LRRFIP2: variants seen among roughly 807,000 people sequenced by gnomAD.
The protein encoded by LRRFIP2 is leucine-rich repeat flightless-interacting protein 2.
A neutral mutation model predicts 125.9 loss-of-function variants in LRRFIP2; 109 were observed. The observed-to-expected ratio is 0.87, with a 90% confidence interval of 0.74 to 1.01. The LOEUF is 1.01. LRRFIP2 is among the 50% of genes least tolerant of loss of function. LRRFIP2 has a pLI of 0.00. For synonymous variants in LRRFIP2, 291 were observed against 293.1 expected (o/e 0.99, Z 0.07); for missense variants, 850 against 862.3 (o/e 0.99, Z 0.18).
intron 2 of LRRFIP2, among the ~76,000 whole-genome samples, chr3:37,131,901 T>G (rs1054060958): frequency 1.6e-4 from 25 of 152,230 alleles, no homozygotes. Context: ...TAACTGCTAC[T>G]CAACTATTCC....
At chr3:37,154,891 A>G (rs1015018525) in intron 1 of LRRFIP2, among the ~76,000 whole-genome samples, 1 of 152,244 alleles carries the variant, frequency 6.6e-6, no homozygotes, top group Non-Finnish European at 1.5e-5. Context: ...GTTCTTTTAT[A>G]TCTAAGTATT....
At chr3:37,135,092 A>G (rs2095524114) in intron 2 of LRRFIP2, 3 of 1,343,218 alleles carry the variant, frequency 2.2e-6, no homozygotes, top group African/African-American at 2.9e-5. Flanking sequence ...TGGACTCAGA[A>G]GAATGCCATA....
intron 15 of LRRFIP2, among the ~76,000 whole-genome samples, chr3:37,099,169 G>C (rs184400986): frequency 2.2e-4 from 34 of 152,272 alleles, no homozygotes; most frequent in African/African-American, 7.2e-4. Flanking sequence ...CCATGCCATA[G>C]TTCTCTTATT....
rs984931410 is a variant in LRRFIP2, at chr3:37,053,591, A to T, written c.*260T>A. The stretch of plus-strand genomic sequence containing the variant: ...AGCTGGGGAAAAACGTTGAGTAAAC[A>T]TGATTCTACAATTACGGAGATAAAA... On this transcript the variant is annotated 3_prime_UTR_variant, in exon 28 of 28. Transcript: ENST00000336686. 2.5e-6 allele frequency: 1 copy of T among 399,788 alleles called. No homozygotes were observed. The highest frequency in any genetic ancestry group is 4.6e-6 in the Non-Finnish European group (1 of 218,604). The allele number at this position is 399,788 out of a possible 1,614,324, so 24.8% of individuals were successfully genotyped here. A position where few individuals can be genotyped will look rare whatever the true frequency, so the allele number is the denominator to read the frequency against.
chr3:37,130,646 CT>C (rs1161810754), intron 2 of LRRFIP2, among the ~76,000 whole-genome samples: 1 of 152,182 alleles, frequency 6.6e-6, no homozygotes, highest in Non-Finnish European at 1.5e-5. Flanking sequence ...GATAAAATCT[CT>C]CAGGACGTCA....
At chr3:37,089,541 A>G (rs1237826005) in intron 18 of LRRFIP2, among the ~76,000 whole-genome samples, 1 of 152,016 alleles carries the variant, frequency 6.6e-6, no homozygotes, top group Non-Finnish European at 1.5e-5. Flanking sequence ...GTTTTTTTCC[A>G]CTTCAAGTGT....
chr3:37,105,941 T>C (rs1667600391), intron 13 of LRRFIP2, among the ~76,000 whole-genome samples: 2 of 152,040 alleles, frequency 1.3e-5, no homozygotes, highest in South Asian at 4.2e-4. Context: ...GGCGGGTGCC[T>C]GTAATACCAG....
intron 19 of LRRFIP2, among the ~76,000 whole-genome samples, chr3:37,080,944 T>C (rs1304080864): frequency 6.6e-6 from 1 of 152,216 alleles, no homozygotes; most frequent in Non-Finnish European, 1.5e-5. Context: ...ATATGAATTA[T>C]TGTTAATTTT....
At chr3:37,105,675 A>T (rs1171067411) in intron 13 of LRRFIP2, 152 bp from the exon 14 acceptor site, 2 of 544,598 alleles carry the variant, frequency 3.7e-6, no homozygotes, top group Non-Finnish European at 6.5e-6. Context: ...ATATATTAAT[A>T]AAAAAGCTGG....
At chr3:37,125,815 T>C (rs1233029686) in intron 4 of LRRFIP2, among the ~76,000 whole-genome samples, 1 of 152,204 alleles carries the variant, frequency 6.6e-6, no homozygotes, top group Non-Finnish European at 1.5e-5. Context: ...GCATCATTTA[T>C]TTTACTATAA....
chr3:37,105,652 T>C (rs1368106567), intron 13 of LRRFIP2, 129 bp from the exon 14 acceptor site: 4 of 624,638 alleles, frequency 6.4e-6, no homozygotes, highest in East Asian at 2.8e-5. Context: ...TGGTATAATA[T>C]AGTGGGCACC....
rs1559863864 is a variant in LRRFIP2, at chr3:37,105,455, C to T, written c.783G>A (p.Val261=). The change falls in exon 14 of 28, where the codon GTG becomes GTA. Residue 261 remains valine (V), a splice_region_variant and synonymous_variant. Coordinates refer to ENST00000336686, the MANE Select transcript of LRRFIP2 (RefSeq NM_006309.4). ...TTCTTTGCATGCAAATCATGCTCACCACACTCTCCCTTCGTCCACGACTGG... is the reference window on the plus strand; with the variant it reads ...TTCTTTGCATGCAAATCATGCTCACTACACTCTCCCTTCGTCCACGACTGG... ...DRASRGRRES[V]VSAADYFSRS... 1 of 1,613,414 alleles carries T rather than the reference C, an allele frequency of 6.2e-7. No individual in the cohort carries two copies. Among genetic ancestry groups the T allele is most frequent in the Admixed American group, 1.7e-5 (1 of 60,012 alleles).
intron 1 of LRRFIP2, chr3:37,174,303 A>G (rs1158448965): frequency 1.3e-5 from 2 of 152,226 alleles, no homozygotes; most frequent in Non-Finnish European, 2.9e-5. Context: ...ATTTTACTTA[A>G]CATTTTTAAA....
chr3:37,057,447 C>G (rs1259020242), intron 25 of LRRFIP2, among the ~76,000 whole-genome samples: 1 of 152,138 alleles, frequency 6.6e-6, no homozygotes, highest in Non-Finnish European at 1.5e-5. Context: ...GGAAATGTCA[C>G]AAGTGTCCTA....
intron 1 of LRRFIP2, among the ~76,000 whole-genome samples, chr3:37,163,148 A>G (rs1362703472): frequency 6.6e-6 from 1 of 152,224 alleles, no homozygotes. Context: ...TATCCAAAAA[A>G]GATCAAGGAA....
At chr3:37,082,275 T>C (rs1190297036) in intron 19 of LRRFIP2, among the ~76,000 whole-genome samples, 2 of 152,184 alleles carry the variant, frequency 1.3e-5, no homozygotes, top group East Asian at 3.8e-4. Flanking sequence ...ATCTAGCATA[T>C]ATAATGCTCT....
intron 1 of LRRFIP2, among the ~76,000 whole-genome samples, chr3:37,158,438 C>A (rs981078927): frequency 6.6e-6 from 1 of 151,710 alleles, no homozygotes; most frequent in African/African-American, 2.4e-5. Flanking sequence ...GGAACCCCAT[C>A]TCTACTAAAA....
chr3:37,091,675 C>G (rs1453167311), intron 17 of LRRFIP2, 137 bp from the exon 18 acceptor site: 1 of 632,244 alleles, frequency 1.6e-6, no homozygotes, highest in Non-Finnish European at 2.7e-6. Context: ...AAAAACATAA[C>G]TCCCACTCCC....
chr3:37,101,267 G>T (rs1397938395), intron 15 of LRRFIP2, among the ~76,000 whole-genome samples: 2 of 151,538 alleles, frequency 1.3e-5, no homozygotes, highest in African/African-American at 2.4e-5. Flanking sequence ...TGAGGCAGGA[G>T]AATCACTTGA....
Sources: gnomAD v4.1 joint callset for allele counts (sites outside exome capture counted in the v4.1 genomes callset) on GRCh38, gnomAD v4.1.1 for gene constraint, MANE v1.5 for transcripts, NCBI Gene and HGNC (gene_info 2026-07-23, HGNC 2026-07-21) for gene names.